BRINP2: variants seen among roughly 807,000 people sequenced by gnomAD.
BRINP2 encodes BMP/retinoic acid-inducible neural-specific protein 2.
BRINP2 carries 21 observed loss-of-function variants against 69.2 expected under a neutral mutation model. That is an observed-to-expected ratio of 0.30 (90% CI 0.22 to 0.44). The LOEUF (loss-of-function observed/expected upper bound fraction) is 0.44. Ranked by LOEUF, BRINP2 falls within the 20% of genes least tolerant of loss-of-function variation. The pLI, the probability that BRINP2 is intolerant of heterozygous loss-of-function variation, is 1.00. For synonymous variants in BRINP2, 380 were observed against 394.1 expected, an observed-to-expected ratio of 0.96 and a Z score of 0.42; for missense variants, 877 against 986.0, an observed-to-expected ratio of 0.89 and a Z score of 1.48.
chr1:177,281,719 T>TACACACACAC lies in BRINP2; in HGVS notation c.*202_*211dup, dbSNP rs113470314. On this transcript the variant is annotated 3_prime_UTR_variant, in exon 8 of 8. Transcript: ENST00000361539. The stretch of plus-strand genomic sequence containing the variant: ...GCTACTGCGTGCGTGCGCGCACGCA[T>TACACACACAC]ACACACACACACACACACACTGGCA... The TACACACACAC allele has an allele frequency of 1.9e-6, 1 of 520,716 alleles. No homozygotes were observed. Among genetic ancestry groups the TACACACACAC allele is most frequent in the Non-Finnish European group, 3.3e-6 (1 of 302,960 alleles). 32.3% of individuals were successfully genotyped at this position (520,716 alleles called of 1,614,324 possible).
chr1:177,275,794 A>G (rs1481595404), intron 5 of BRINP2, among the ~76,000 whole-genome samples: 1 of 152,226 alleles, frequency 6.6e-6, no homozygotes, highest in East Asian at 1.9e-4. Flanking sequence ...TACAGGAGGC[A>G]GGGCAAAAAG....
chr1:177,208,520 T>C (rs546794065), intron 1 of BRINP2, among the ~76,000 whole-genome samples: 35 of 152,322 alleles, frequency 2.3e-4, no homozygotes, highest in African/African-American at 8.2e-4. Context: ...GTAACTGCCC[T>C]TCAGAGAAAT....
intron 2 of BRINP2, among the ~76,000 whole-genome samples, chr1:177,251,380 A>G (rs1027131368): frequency 6.6e-6 from 1 of 152,260 alleles, no homozygotes; most frequent in African/African-American, 2.4e-5. Flanking sequence ...AGGATACTAA[A>G]CACCACAAAA....
intron 4 of BRINP2, among the ~76,000 whole-genome samples, chr1:177,263,948 T>C (rs1375643073): frequency 6.6e-6 from 1 of 152,198 alleles, no homozygotes; most frequent in Non-Finnish European, 1.5e-5. Flanking sequence ...CTGATAAAAC[T>C]TAAAACTATG....
Position 177,273,473 on chromosome 1 carries a change from T to C in BRINP2, c.670-15T>C. The C allele has an allele frequency of 6.3e-7, 1 of 1,584,294 alleles. No homozygotes were observed. Among genetic ancestry groups the C allele is most frequent in the Non-Finnish European group, 8.6e-7 (1 of 1,160,644 alleles). ...CTTGTTATCTAAACCCACTCCCTAC[T>C]CCTTCCTTCTCTAGGTCACCGAGAC... On this transcript the variant is annotated splice_polypyrimidine_tract_variant and intron_variant, in intron 4 of 7. Transcript: ENST00000361539.
intron 2 of BRINP2, among the ~76,000 whole-genome samples, chr1:177,245,229 T>C (rs1650337447): frequency 6.6e-6 from 1 of 152,084 alleles, no homozygotes. Context: ...AGAATATATC[T>C]ACCAGATTGT....
chr1:177,236,745 A>G (rs1326743967), intron 2 of BRINP2, among the ~76,000 whole-genome samples: 1 of 151,670 alleles, frequency 6.6e-6, no homozygotes, highest in Non-Finnish European at 1.5e-5. Flanking sequence ...GTGTAACCAA[A>G]GTCATGGGAG....
chr1:177,188,447 GA>G (rs1042815690), intron 1 of BRINP2, among the ~76,000 whole-genome samples: 10 of 152,062 alleles, frequency 6.6e-5, no homozygotes, highest in Non-Finnish European at 1.5e-4. Flanking sequence ...AAGTTCAATG[GA>G]AAAAAATATA....
chr1:177,229,029 C>T (rs148509830), intron 1 of BRINP2, among the ~76,000 whole-genome samples: 2 of 152,154 alleles, frequency 1.3e-5, no homozygotes, highest in African/African-American at 4.8e-5. Flanking sequence ...CCCTGCCCCT[C>T]GTGGTGCTCT....
intron 1 of BRINP2, among the ~76,000 whole-genome samples, chr1:177,180,496 A>G (rs1648212940): frequency 6.6e-6 from 1 of 152,248 alleles, no homozygotes; most frequent in Admixed American, 6.5e-5. Flanking sequence ...AGCAGAGTTG[A>G]GCATCCTTAA....
At chr1:177,223,746 G>A (rs529568979) in intron 1 of BRINP2, among the ~76,000 whole-genome samples, 1 of 152,188 alleles carries the variant, frequency 6.6e-6, no homozygotes, top group South Asian at 2.1e-4. Context: ...TATACAGTGA[G>A]GATATCTATA....
intron 6 of BRINP2, among the ~76,000 whole-genome samples, chr1:177,277,786 G>A (rs150362764): frequency 3.5e-4 from 53 of 152,008 alleles, no homozygotes; most frequent in African/African-American, 1.2e-3. Context: ...AATAAATCAG[G>A]GCTCTCTAGA....
rs113470314 is a variant in BRINP2 at position 177,281,719 on chromosome 1, T to TACAC, written c.*208_*211dup. 8.1e-4 allele frequency: 443 copies of TACAC among 548,566 alleles called. 2 individuals carry two copies. Among genetic ancestry groups the TACAC allele is most frequent in the Middle Eastern group, 4.6e-3 (9 of 1,954 alleles). 34.0% of individuals were successfully genotyped at this position (548,566 alleles called of 1,614,324 possible). A position where few individuals can be genotyped will look rare whatever the true frequency, so the allele number is the denominator to read the frequency against. ...GCTACTGCGTGCGTGCGCGCACGCA[T>TACAC]ACACACACACACACACACACTGGCA... On this transcript the variant is annotated 3_prime_UTR_variant, in exon 8 of 8. Coordinates refer to ENST00000361539, the MANE Select transcript of BRINP2 (RefSeq NM_021165.4).
In BRINP2 at chr1:177,196,404, G is replaced by A. The variant is rs371691255; in HGVS notation, c.-77+24672G>A. Among the ~76,000 whole-genome samples the A allele has an allele frequency of 3.3e-5, 5 of 152,222 alleles. No individual in the cohort carries two copies. In the East Asian group the frequency reaches 7.8e-4, roughly 24 times the overall value. On this transcript the variant is annotated intron_variant, in intron 1 of 7. Coordinates refer to ENST00000361539, the MANE Select transcript of BRINP2 (RefSeq NM_021165.4). ...AGGCCAAAGTGGGTGGATCACCTGAGGTCGGGAGTTTGAGACCAGCCTGGC... is the reference window on the plus strand; with the variant it reads ...AGGCCAAAGTGGGTGGATCACCTGAAGTCGGGAGTTTGAGACCAGCCTGGC...
intron 2 of BRINP2, among the ~76,000 whole-genome samples, chr1:177,239,226 TTC>T (rs1327875146): frequency 6.6e-6 from 1 of 152,218 alleles, no homozygotes; most frequent in East Asian, 1.9e-4. Flanking sequence ...CTGTCATTCG[TTC>T]TCTCTTTCCA....
At chr1:177,241,262 C>T (rs1434838170) in intron 2 of BRINP2, among the ~76,000 whole-genome samples, 3 of 152,266 alleles carry the variant, frequency 2.0e-5, no homozygotes, top group African/African-American at 4.8e-5. Context: ...TGAGCCATTG[C>T]GCCCGGACCA....
chr1:177,215,565 G>A (rs1380461195), intron 1 of BRINP2, among the ~76,000 whole-genome samples: 1 of 152,062 alleles, frequency 6.6e-6, no homozygotes, highest in Non-Finnish European at 1.5e-5. Flanking sequence ...CACTGAATTT[G>A]TTCATCAATT....
intron 2 of BRINP2, among the ~76,000 whole-genome samples, chr1:177,233,378 T>C (rs989817710): frequency 6.6e-6 from 1 of 152,210 alleles, no homozygotes. Flanking sequence ...ACAGTAATAG[T>C]GCCTATCTAA....
At chr1:177,199,422 T>G (rs1648839139) in intron 1 of BRINP2, among the ~76,000 whole-genome samples, 1 of 152,164 alleles carries the variant, frequency 6.6e-6, no homozygotes. Context: ...GTCACAGAGA[T>G]GAAAGGAGAA....
Sources: allele counts gnomAD v4.1 joint callset (sites outside exome capture counted in the v4.1 genomes callset), GRCh38; gene constraint gnomAD v4.1.1; transcripts MANE v1.5; gene names NCBI Gene and HGNC (gene_info 2026-07-23, HGNC 2026-07-21).